The following FHIT variants were observed in gnomAD, a reference collection of about 807,000 sequenced individuals.
FHIT encodes the protein bis(5'-adenosyl)-triphosphatase.
A neutral mutation model predicts 17.9 loss-of-function variants in FHIT; 19 were observed. That is an observed-to-expected ratio of 1.06 (90% confidence interval 0.74 to 1.56). The LOEUF (loss-of-function observed/expected upper bound fraction) is 1.56, where lower values mean the gene tolerates loss of function less well. FHIT is among the 40% of genes most tolerant of loss of function. The probability of loss-of-function intolerance (pLI) is 0.00; values close to 1 mark genes in which losing one functional copy is unlikely to be tolerated. For synonymous variants in FHIT, 81 were observed against 69.7 expected (o/e 1.16, Z -0.81); for missense variants, 248 against 189.2 (o/e 1.31, Z -1.82).
chr3:61,155,871 A>G (rs1358739387), intron 2 of FHIT, among the ~76,000 whole-genome samples: 2 of 152,210 alleles, frequency 1.3e-5, no homozygotes, highest in African/African-American at 4.8e-5. Flanking sequence ...CATCATTCCC[A>G]GAACTGATAA....
chr3:60,592,395 A>C (rs1173572449), intron 4 of FHIT, among the ~76,000 whole-genome samples: 2 of 152,012 alleles, frequency 1.3e-5, no homozygotes, highest in African/African-American at 4.8e-5. Context: ...TCTGCAACAG[A>C]CAAAAATAAC....
At chr3:59,808,010 A>G (rs1700269277) in intron 8 of FHIT, among the ~76,000 whole-genome samples, 2 of 152,172 alleles carry the variant, frequency 1.3e-5, no homozygotes, top group South Asian at 4.1e-4. Context: ...TTGTGCAAAC[A>G]TCACCGCTAC....
At chr3:60,402,562 G>A (rs189997661) in intron 5 of FHIT, among the ~76,000 whole-genome samples, 2 of 152,264 alleles carry the variant, frequency 1.3e-5, no homozygotes, top group Non-Finnish European at 2.9e-5. Flanking sequence ...ATTTTCACAA[G>A]TGATTCACTC....
chr3:61,217,347 T>C (rs1174806530), intron 1 of FHIT, among the ~76,000 whole-genome samples: 2 of 152,094 alleles, frequency 1.3e-5, no homozygotes, highest in Admixed American at 1.3e-4. Context: ...GGGGCTGGGA[T>C]CATCTGAAGA....
At chr3:61,066,167 A>G (rs1270925608) in intron 2 of FHIT, among the ~76,000 whole-genome samples, 4 of 152,224 alleles carry the variant, frequency 2.6e-5, no homozygotes. Flanking sequence ...CCATTAACAT[A>G]ATAATGACAT....
intron 2 of FHIT, among the ~76,000 whole-genome samples, chr3:61,057,916 C>T (rs1395193789): frequency 6.6e-6 from 1 of 152,174 alleles, no homozygotes; most frequent in Non-Finnish European, 1.5e-5. Context: ...GTGAGGAAGG[C>T]TCCTTGGGTC....
At chr3:60,927,607 G>A (rs1455282802) in intron 3 of FHIT, among the ~76,000 whole-genome samples, 2 of 151,698 alleles carry the variant, frequency 1.3e-5, no homozygotes, top group Non-Finnish European at 2.9e-5. Flanking sequence ...CCCCGTCTGG[G>A]ATGTGAGGAG....
chr3:60,050,478 T>G (rs1357721129), intron 5 of FHIT, among the ~76,000 whole-genome samples: 1 of 152,104 alleles, frequency 6.6e-6, no homozygotes, highest in Non-Finnish European at 1.5e-5. Context: ...TAGGCTTAGG[T>G]ACTTGCCATT....
chr3:61,036,135 C>T (rs2033226593), intron 3 of FHIT, among the ~76,000 whole-genome samples: 1 of 152,156 alleles, frequency 6.6e-6, no homozygotes, highest in South Asian at 2.1e-4. Context: ...GGGGAGGCCT[C>T]AGGGAGCTTT....
intron 4 of FHIT, among the ~76,000 whole-genome samples, chr3:60,739,524 G>A (rs563191075): frequency 8.5e-4 from 130 of 152,274 alleles, no homozygotes; most frequent in Non-Finnish European, 1.2e-3. Context: ...GTGGGGCCAG[G>A]GAACTCTTCT....
chr3:59,959,755 A>C (rs1707577561), intron 7 of FHIT, among the ~76,000 whole-genome samples: 1 of 152,208 alleles, frequency 6.6e-6, no homozygotes, highest in Non-Finnish European at 1.5e-5. Flanking sequence ...ATTACTGTGC[A>C]ATCACAAATT....
chr3:60,884,592 G>A (rs1705126800), intron 3 of FHIT, among the ~76,000 whole-genome samples: 2 of 152,016 alleles, frequency 1.3e-5, no homozygotes, highest in Non-Finnish European at 2.9e-5. Context: ...CCTATTTGCA[G>A]CAACATGGAA....
intron 3 of FHIT, among the ~76,000 whole-genome samples, chr3:60,924,055 GCC>G (rs1350891748): frequency 6.6e-6 from 1 of 152,188 alleles, no homozygotes; most frequent in African/African-American, 2.4e-5. Flanking sequence ...AAACAAAGCG[GCC>G]TGGAAGCTCG....
chr3:60,934,873 T>C (rs7622298), intron 3 of FHIT, among the ~76,000 whole-genome samples: 90,472 of 151,294 alleles, frequency 0.6, 27,304 homozygotes, highest in East Asian at 0.69. Flanking sequence ...CACAAAGGGC[T>C]GAGGTAACAA....
chr3:59,865,542 C>G (rs1455270060), intron 8 of FHIT, among the ~76,000 whole-genome samples: 1 of 152,226 alleles, frequency 6.6e-6, no homozygotes, highest in Non-Finnish European at 1.5e-5. Context: ...GAGCCAGGGC[C>G]TGGGATATAA....
chr3:61,014,056 G>A (rs2031941796), intron 3 of FHIT, among the ~76,000 whole-genome samples: 1 of 152,116 alleles, frequency 6.6e-6, no homozygotes, highest in African/African-American at 2.4e-5. Context: ...AGGAAGGGAT[G>A]AATTTTTCGA....
intron 7 of FHIT, among the ~76,000 whole-genome samples, chr3:59,942,907 C>T (rs1300396272): frequency 2.0e-5 from 3 of 152,042 alleles, no homozygotes; most frequent in African/African-American, 7.2e-5. Context: ...CCTCGGCCTC[C>T]CAAAGTGCTG....
chr3:60,217,460 T>TA (rs758940059), intron 5 of FHIT, among the ~76,000 whole-genome samples: 1 of 152,200 alleles, frequency 6.6e-6, no homozygotes, highest in Non-Finnish European at 1.5e-5. Context: ...TGTTTTCCTA[T>TA]ATCCATTCTC....
intron 5 of FHIT, among the ~76,000 whole-genome samples, chr3:60,121,614 G>A (rs2107222043): frequency 6.6e-6 from 1 of 152,086 alleles, no homozygotes; most frequent in South Asian, 2.1e-4. Context: ...AACCAAGGAG[G>A]CGGAGGTGGC....
Sources: gnomAD v4.1 joint callset for allele counts (sites outside exome capture counted in the v4.1 genomes callset) on GRCh38, gnomAD v4.1.1 for gene constraint, MANE v1.5 for transcripts, NCBI Gene and HGNC (gene_info 2026-07-23, HGNC 2026-07-21) for gene names.